The following MAPKAP1 variants were observed in gnomAD, a reference collection of about 807,000 sequenced individuals.
MAPKAP1 encodes target of rapamycin complex 2 subunit MAPKAP1.
A neutral mutation model predicts 65.7 loss-of-function variants in MAPKAP1; 20 were observed. That is an observed-to-expected ratio of 0.30 (90% CI 0.21 to 0.44). MAPKAP1 has a LOEUF of 0.44. MAPKAP1 is among the 20% of genes least tolerant of loss of function. The pLI, the probability that MAPKAP1 is intolerant of heterozygous loss-of-function variation, is 1.00. For synonymous variants in MAPKAP1, 222 were observed against 244.3 expected (o/e 0.91, Z 0.85); for missense variants, 423 against 648.0 (o/e 0.65, Z 3.77).
At chr9:125,468,137 A>G in intron 9 of MAPKAP1, 28 bp from the exon 10 acceptor site, 1 of 1,609,374 alleles carries the variant, frequency 6.2e-7, no homozygotes, top group Non-Finnish European at 8.5e-7. Flanking sequence ...GACACAAAAG[A>G]AAACACAAGA....
intron 4 of MAPKAP1, among the ~76,000 whole-genome samples, chr9:125,619,907 GA>G (rs1324954916): frequency 6.6e-6 from 1 of 152,016 alleles, no homozygotes; most frequent in Non-Finnish European, 1.5e-5. Context: ...TAGAAAATAA[GA>G]AAAAGTTCAA....
At chr9:125,462,747 G>C (rs965152480) in intron 10 of MAPKAP1, among the ~76,000 whole-genome samples, 2 of 152,166 alleles carry the variant, frequency 1.3e-5, no homozygotes, top group Non-Finnish European at 1.5e-5. Context: ...AAGTGAATTT[G>C]TATAATCTAG....
intron 1 of MAPKAP1, among the ~76,000 whole-genome samples, chr9:125,693,255 A>C (rs1280977522): frequency 1.3e-5 from 2 of 151,984 alleles, no homozygotes; most frequent in African/African-American, 4.8e-5. Flanking sequence ...TCTACTAAAA[A>C]TACAAAAAAC....
chr9:125,573,854 T>C (rs965593826), intron 5 of MAPKAP1, among the ~76,000 whole-genome samples: 3 of 152,222 alleles, frequency 2.0e-5, no homozygotes, highest in African/African-American at 7.2e-5. Context: ...AAAGCTCTCA[T>C]AAACAGTGTT....
chr9:125,580,877 A>G (rs1831602890), intron 5 of MAPKAP1, among the ~76,000 whole-genome samples: 1 of 152,176 alleles, frequency 6.6e-6, no homozygotes, highest in South Asian at 2.1e-4. Context: ...TGCCTCCCTA[A>G]CACTGTGCCT....
intron 8 of MAPKAP1, among the ~76,000 whole-genome samples, chr9:125,499,882 G>A (rs1828919064): frequency 6.6e-6 from 1 of 152,070 alleles, no homozygotes; most frequent in African/African-American, 2.4e-5. Flanking sequence ...GGCTACTTGG[G>A]AGGCTTAGGT....
rs750079704 is a variant in MAPKAP1, at chr9:125,585,521, A to G, written c.671+34T>C. On this transcript the variant is annotated intron_variant, in intron 5 of 11. Transcript: ENST00000265960. Reference sequence around the variant, plus strand: ...CACCTTGGGTGGCCAAAAGACCACAAGAAACTAGAGCAGCCAAAAAGAGAA... The same window carrying G: ...CACCTTGGGTGGCCAAAAGACCACAGGAAACTAGAGCAGCCAAAAAGAGAA... 6 of 1,604,950 alleles carry G rather than the reference A, an allele frequency of 3.7e-6. No homozygotes were observed. The Admixed American group carries it at 6.7e-5, about 18-fold the overall frequency.
intron 5 of MAPKAP1, among the ~76,000 whole-genome samples, chr9:125,578,689 A>G (rs1831525052): frequency 6.6e-6 from 1 of 152,218 alleles, no homozygotes; most frequent in Non-Finnish European, 1.5e-5. Flanking sequence ...AACTGATAAT[A>G]AAGACACAAA....
intron 1 of MAPKAP1, among the ~76,000 whole-genome samples, chr9:125,693,718 CACGTATAT>C (rs1354329696): frequency 1.7e-5 from 2 of 118,480 alleles, no homozygotes; most frequent in African/African-American, 6.3e-5. Context: ...CACATATATA[CACGTATAT>C]ACACATATAT....
At chr9:125,609,582 A>G (rs1832541408) in intron 4 of MAPKAP1, among the ~76,000 whole-genome samples, 1 of 152,162 alleles carries the variant, frequency 6.6e-6, no homozygotes, top group Non-Finnish European at 1.5e-5. Flanking sequence ...CCCGAGCTCA[A>G]GTGATCCCCT....
At chr9:125,606,283 GTATA>G (rs888755411) in intron 4 of MAPKAP1, among the ~76,000 whole-genome samples, 147 of 152,204 alleles carry the variant, frequency 9.7e-4, no homozygotes, top group African/African-American at 3.4e-3. Flanking sequence ...AAGGAAAAGA[GTATA>G]TGGGAAAAAT....
intron 5 of MAPKAP1, chr9:125,572,918 A>G (rs1461611736): frequency 6.6e-6 from 1 of 152,172 alleles, no homozygotes; most frequent in Non-Finnish European, 1.5e-5. Context: ...TCAAAACTCA[A>G]GAGTTATGAA....
intron 4 of MAPKAP1, among the ~76,000 whole-genome samples, chr9:125,628,018 G>A (rs974833806): frequency 5.3e-5 from 8 of 152,298 alleles, no homozygotes; most frequent in Admixed American, 5.2e-4. Flanking sequence ...CTGAATGTTA[G>A]GGTCTGTGGA....
chr9:125,506,764 C>T (rs1004601644), intron 7 of MAPKAP1, among the ~76,000 whole-genome samples: 4 of 152,142 alleles, frequency 2.6e-5, no homozygotes, highest in Admixed American at 1.3e-4. Flanking sequence ...ATAGTTATAC[C>T]TTGAAAGATT....
intron 6 of MAPKAP1, among the ~76,000 whole-genome samples, chr9:125,551,051 C>T (rs538799813): frequency 6.6e-6 from 1 of 152,200 alleles, no homozygotes; most frequent in South Asian, 2.1e-4. Flanking sequence ...GTATAAGAAA[C>T]TTTACTGATG....
At chr9:125,693,820 C>T (rs1358733533) in intron 1 of MAPKAP1, among the ~76,000 whole-genome samples, 4 of 116,536 alleles carry the variant, frequency 3.4e-5, no homozygotes, top group South Asian at 2.6e-4. Flanking sequence ...CACACATATA[C>T]ACACACACAC....
intron 10 of MAPKAP1, among the ~76,000 whole-genome samples, chr9:125,452,080 GATTACAGGC>G (rs1852976793): frequency 1.3e-5 from 2 of 151,968 alleles, no homozygotes; most frequent in East Asian, 3.9e-4. Context: ...GAAGTGCTGG[GATTACAGGC>G]ATGAGCCACC....
intron 11 of MAPKAP1, among the ~76,000 whole-genome samples, chr9:125,440,115 T>A (rs1852425851): frequency 6.6e-6 from 1 of 152,124 alleles, no homozygotes; most frequent in Admixed American, 6.5e-5. Flanking sequence ...TACAGTGGGA[T>A]GCACACGCCC....
chr9:125,472,386 C>T (rs1853955499), intron 9 of MAPKAP1, among the ~76,000 whole-genome samples: 1 of 152,178 alleles, frequency 6.6e-6, no homozygotes, highest in South Asian at 2.1e-4. Flanking sequence ...TCAATTTTCA[C>T]CAAGGAACAA....
Sources: gnomAD v4.1 joint callset for allele counts (sites outside exome capture counted in the v4.1 genomes callset) on GRCh38, gnomAD v4.1.1 for gene constraint, MANE v1.5 for transcripts, NCBI Gene and HGNC (gene_info 2026-07-23, HGNC 2026-07-21) for gene names.